The following NPHP4 variants were observed in gnomAD, a reference collection of about 807,000 sequenced individuals.
NPHP4 encodes nephrocystin 4.
In NPHP4, 151 loss-of-function variants were observed where a neutral mutation model predicts 155.8. The observed-to-expected ratio is 0.97, with a 90% CI of 0.85 to 1.11. NPHP4 has a LOEUF of 1.11. Ranked by LOEUF, NPHP4 falls within the 50% of genes least tolerant of loss-of-function variation. The pLI is 0.00. For missense variants in NPHP4, 1,956 were observed against 1,925.7 expected (o/e 1.02, Z -0.29); for synonymous variants, 845 against 816.8 (o/e 1.03, Z -0.59).
intron 7 of NPHP4, among the ~76,000 whole-genome samples, chr1:5,949,270 T>A (rs1423853217): frequency 6.6e-6 from 1 of 151,694 alleles, no homozygotes; most frequent in Non-Finnish European, 1.5e-5. Context: ...TGTGTTTACA[T>A]AAGACCATAT....
In NPHP4 at chr1:5,890,853, C is replaced by T. The variant is rs2100919128; in HGVS notation, c.2304+15G>A. The T allele has an allele frequency of 1.2e-6, 2 of 1,603,954 alleles. No individual in the cohort carries two copies. The highest frequency in any genetic ancestry group is 1.7e-6 in the Non-Finnish European group (2 of 1,173,626). ...CGCAGCACCCACTGTGCCTGTCCTT[C>T]CAGAGAGCCGCTACCTTCATCTGGA... On this transcript the variant is annotated intron_variant, in intron 17 of 29. Coordinates refer to ENST00000378156, the MANE Select transcript of NPHP4 (RefSeq NM_015102.5). This position sits in a 1 kb window ranked among gnomAD's most constrained non-coding sequence, Gnocchi z 4.9.
chr1:5,974,497 A>G (rs1653166855), intron 3 of NPHP4, among the ~76,000 whole-genome samples: 1 of 152,192 alleles, frequency 6.6e-6, no homozygotes, highest in Non-Finnish European at 1.5e-5. Flanking sequence ...CGTGGCCTCC[A>G]GCATTATTTT....
At chr1:5,879,750 G>T in intron 19 of NPHP4, 1 of 396,306 alleles carries the variant, frequency 2.5e-6, no homozygotes. Flanking sequence ...AGATGCAGAT[G>T]GGCATTAACA....
chr1:5,943,460 C>T (rs1646929118), intron 9 of NPHP4, among the ~76,000 whole-genome samples: 1 of 152,200 alleles, frequency 6.6e-6, no homozygotes, highest in Admixed American at 6.5e-5. Flanking sequence ...CCCCTAGACA[C>T]CATAGCTTTT....
chr1:5,971,295 C>T (rs1652516216), intron 3 of NPHP4, among the ~76,000 whole-genome samples: 1 of 152,226 alleles, frequency 6.6e-6, no homozygotes, highest in Admixed American at 6.5e-5. Flanking sequence ...AGCTGCTTGT[C>T]TCAGCTGATC....
At chr1:5,959,226 A>G (rs116165411) in intron 6 of NPHP4, among the ~76,000 whole-genome samples, 155 of 152,202 alleles carry the variant, frequency 1.0e-3, no homozygotes, top group African/African-American at 3.6e-3. Context: ...AAACGTCATT[A>G]ATTTTGCAAT....
chr1:5,935,448 T>C (rs893638251), intron 9 of NPHP4, among the ~76,000 whole-genome samples: 4 of 152,356 alleles, frequency 2.6e-5, no homozygotes, highest in South Asian at 2.1e-4. Flanking sequence ...TAAGCCACAC[T>C]TTCAACATTT....
At chr1:5,932,448 C>G (rs541983835) in intron 10 of NPHP4, among the ~76,000 whole-genome samples, 1 of 152,252 alleles carries the variant, frequency 6.6e-6, no homozygotes, top group South Asian at 2.1e-4. Context: ...AGAAACTCTG[C>G]CACACCTCGG....
chr1:5,909,216 G>A lies in NPHP4; in HGVS notation c.1442-3C>T. 6.2e-7 allele frequency: 1 copy of A among 1,601,166 alleles called. No homozygotes were observed. Among genetic ancestry groups the A allele is most frequent in the Non-Finnish European group, 8.5e-7 (1 of 1,174,082 alleles). On this transcript the variant is annotated splice_region_variant and splice_polypyrimidine_tract_variant and intron_variant, in intron 11 of 29. Coordinates refer to ENST00000378156, the MANE Select transcript of NPHP4 (RefSeq NM_015102.5). ...TCGAGGTACTGGCGCTGGCGGGCCT[G>A]GGAGGAAGCACAGTGGGGTAGGAGA...
intron 11 of NPHP4, among the ~76,000 whole-genome samples, chr1:5,923,812 T>C (rs759850689): frequency 1.3e-5 from 2 of 152,182 alleles, no homozygotes; most frequent in Non-Finnish European, 2.9e-5. Flanking sequence ...ACATTCAGTA[T>C]CCAGTAAGAG....
At chr1:5,894,799 A>G (rs147692231) in intron 16 of NPHP4, among the ~76,000 whole-genome samples, 1 of 152,376 alleles carries the variant, frequency 6.6e-6, no homozygotes, top group Non-Finnish European at 1.5e-5. Flanking sequence ...AGCAAAACCC[A>G]TATGACATAA....
chr1:5,887,397 C>G lies in NPHP4; in HGVS notation c.2374G>C (p.Glu792Gln). 9.9e-6 allele frequency: 16 copies of G among 1,613,512 alleles called. No homozygotes were observed. The highest frequency in any genetic ancestry group is 1.3e-5 in the Non-Finnish European group (15 of 1,179,884). Reference sequence around the variant, plus strand: ...CCACTCACCACCATGTTGTCCTGCTCGTATTCAGTTGCCACGACCTCAAGC... The same window carrying G: ...CCACTCACCACCATGTTGTCCTGCTGGTATTCAGTTGCCACGACCTCAAGC... Reference protein sequence around the residue: ...HELEVVATEYEQDNMVVSGDM... With the variant: ...HELEVVATEYQQDNMVVSGDM... The change falls in exon 18 of 30, where the codon GAG becomes CAG. Residue 792 changes from glutamate (E) to glutamine (Q), a missense_variant. Physicochemically the swap from Glu to Gln is conservative, Grantham distance 29. Transcript: ENST00000378156.
rs368335406 is a variant in NPHP4, at chr1:5,986,251, A to C, written c.39T>G (p.Leu13=). 58 of 1,613,744 alleles carry C rather than the reference A, an allele frequency of 3.6e-5. No homozygotes were observed. In the African/African-American group the frequency reaches 7.1e-4, roughly 20 times the overall value. ...GCGCTCTCTGTGGGTGGGGAGGGAC[A>C]AGCACGTTTTGGGTGAAGATCCTGT... The part of the protein sequence containing the change: ...DWHRIFTQNV[L]VPPHPQRARQ... Residue 13 remains leucine, a synonymous_variant, in exon 2 of 30, where the codon CTT becomes CTG. Coordinates refer to ENST00000378156, the MANE Select transcript of NPHP4 (RefSeq NM_015102.5).
chr1:5,948,757 C>T (rs1647323850), intron 7 of NPHP4, among the ~76,000 whole-genome samples: 1 of 152,144 alleles, frequency 6.6e-6, no homozygotes, highest in Non-Finnish European at 1.5e-5. Context: ...TACCCAGAGA[C>T]CTGAGACTGG....
rs1171570553 is a variant in NPHP4 at position 5,882,225 on chromosome 1, C to A, written c.2486-1986G>T. On this transcript the variant is annotated intron_variant, in intron 18 of 29. Transcript: ENST00000378156. This position sits in a 1 kb window ranked among gnomAD's most constrained non-coding sequence, Gnocchi z 5.1. ...CAGCCATCTCTCAGTGGCGCGCTTA[C>A]CCAGCCATCTCTCAGTGGCGCGCTT... 6.9e-6 allele frequency: 1 copy of A among 145,436 alleles called. No individual in the cohort carries two copies. Among genetic ancestry groups the A allele is most frequent in the East Asian group, 2.1e-4 (1 of 4,792 alleles). 9.0% of individuals were successfully genotyped at this position (145,436 alleles called of 1,614,324 possible).
At chr1:5,949,343 TAC>T (rs140032819) in intron 7 of NPHP4, among the ~76,000 whole-genome samples, 26 of 140,848 alleles carry the variant, frequency 1.8e-4, no homozygotes, top group Non-Finnish European at 2.9e-4. Flanking sequence ...TTCACATACA[TAC>T]ACACACACAC....
At chr1:5,991,933 G>A (rs1475709921) in intron 1 of NPHP4, among the ~76,000 whole-genome samples, 1 of 147,086 alleles carries the variant, frequency 6.8e-6, no homozygotes. Flanking sequence ...AGGGGGCAGG[G>A]GGCAGGGGGC....
intron 6 of NPHP4, among the ~76,000 whole-genome samples, chr1:5,959,409 T>C (rs1649884127): frequency 6.6e-6 from 1 of 152,124 alleles, no homozygotes; most frequent in Admixed American, 6.6e-5. Context: ...AAACTCTGTC[T>C]CCCATCTTGT....
In NPHP4 at chr1:5,874,844, G is replaced by C. The variant is rs1642405578; in HGVS notation, c.3044+30C>G. 4 of 1,596,796 alleles carry C rather than the reference G, an allele frequency of 2.5e-6. No individual in the cohort carries two copies. The highest frequency in any genetic ancestry group is 3.4e-6 in the Non-Finnish European group (4 of 1,164,922). On this transcript the variant is annotated intron_variant, in intron 21 of 29. Transcript: ENST00000378156. The stretch of plus-strand genomic sequence containing the variant: ...GCTGCACCCGACACAGATCTGGGCT[G>C]GGGCAGGACGGGCACCACTGAGACC...
Sources: allele counts gnomAD v4.1 joint callset (sites outside exome capture counted in the v4.1 genomes callset), GRCh38; gene constraint gnomAD v4.1.1; non-coding constraint Gnocchi (gnomAD v3.1); transcripts MANE v1.5; gene names NCBI Gene and HGNC (gene_info 2026-07-23, HGNC 2026-07-21).